The following ELAPOR1 variants were observed in gnomAD, a reference collection of about 807,000 sequenced individuals.
The protein encoded by ELAPOR1 is endosome/lysosome-associated apoptosis and autophagy regulator 1.
Under a neutral mutation model 119.7 loss-of-function variants are expected in ELAPOR1, and 77 were observed. The ratio of observed to expected loss-of-function variants is 0.64; its 90% CI spans 0.54 to 0.78. The LOEUF is 0.78. Ranked by LOEUF, ELAPOR1 falls within the 30% of genes least tolerant of loss-of-function variation. The pLI is 0.00. For missense variants in ELAPOR1, 1,115 were observed against 1,270.4 expected (o/e 0.88, Z 1.86); for synonymous variants, 481 against 487.2 (o/e 0.99, Z 0.17).
chr1:109,194,474 G>C lies in ELAPOR1; in HGVS notation c.2001G>C (p.Arg667Ser). ...DCTFSRNTPTRTFNYNFSALA... is the reference protein window; with the variant it reads ...DCTFSRNTPTSTFNYNFSALA... ...CCTTCTCACGCAACACTCCGACCAG[G>C]ACTTTCAACTACAACTTCTCCGCTT... Residue 667 changes from arginine to serine, a missense_variant, in exon 15 of 22, where the codon AGG becomes AGC. Arg to Ser is a moderately radical substitution (Grantham distance 110). Coordinates refer to ENST00000369939, the MANE Select transcript of ELAPOR1 (RefSeq NM_020775.5). The C allele has an allele frequency of 6.2e-7, 1 of 1,613,738 alleles. No homozygotes were observed. The highest frequency in any genetic ancestry group is 1.3e-5 in the African/African-American group (1 of 75,036).
At chr1:109,148,016 T>C (rs1650289165) in intron 1 of ELAPOR1, among the ~76,000 whole-genome samples, 1 of 150,568 alleles carries the variant, frequency 6.6e-6, no homozygotes, top group South Asian at 2.1e-4. Flanking sequence ...TTTTTGTATT[T>C]TTAGTAGAGA....
At chr1:109,166,064 C>T (rs1175000317) in intron 3 of ELAPOR1, among the ~76,000 whole-genome samples, 1 of 151,922 alleles carries the variant, frequency 6.6e-6, no homozygotes, top group Non-Finnish European at 1.5e-5. Flanking sequence ...TGCAGGCACC[C>T]GCCACCACGC....
intron 1 of ELAPOR1, among the ~76,000 whole-genome samples, chr1:109,130,676 T>G (rs1649103980): frequency 6.6e-6 from 1 of 152,080 alleles, no homozygotes; most frequent in Non-Finnish European, 1.5e-5. Flanking sequence ...ATAGAGTTAT[T>G]AACCTTGTAA....
intron 7 of ELAPOR1, among the ~76,000 whole-genome samples, chr1:109,177,489 C>T (rs754915552): frequency 2.4e-4 from 24 of 99,178 alleles, no homozygotes; most frequent in African/African-American, 4.9e-4. Flanking sequence ...CCTCACTTCC[C>T]AGATGGGATG....
rs927706444 is a variant in ELAPOR1 at position 109,205,648 on chromosome 1, T to C, written c.*2636T>C. The C allele has an allele frequency of 6.6e-6, 1 of 152,200 alleles. No individual in the cohort carries two copies. Among genetic ancestry groups the C allele is most frequent in the Non-Finnish European group, 1.5e-5 (1 of 68,026 alleles). 9.4% of individuals were successfully genotyped at this position (152,200 alleles called of 1,614,324 possible). Reference sequence around the variant, plus strand: ...TGCTGTCTCACTGAATAGCTTTCTTTTGTGACAAAGGCCACAGACAGCCCT... The same window carrying C: ...TGCTGTCTCACTGAATAGCTTTCTTCTGTGACAAAGGCCACAGACAGCCCT... On this transcript the variant is annotated 3_prime_UTR_variant, in exon 22 of 22. Coordinates refer to ENST00000369939, the MANE Select transcript of ELAPOR1 (RefSeq NM_020775.5).
At chr1:109,159,748 C>T (rs545538408) in intron 1 of ELAPOR1, among the ~76,000 whole-genome samples, 1 of 152,286 alleles carries the variant, frequency 6.6e-6, no homozygotes, top group Admixed American at 6.5e-5. Flanking sequence ...GAAACAACCC[C>T]TGGTCTACTT....
intron 1 of ELAPOR1, among the ~76,000 whole-genome samples, chr1:109,139,193 A>T (rs948646053): frequency 1.3e-5 from 2 of 152,040 alleles, no homozygotes; most frequent in South Asian, 4.2e-4. Context: ...TCTACTAAAA[A>T]TACAAAAATT....
In ELAPOR1 at chr1:109,164,494, TC is replaced by T. The variant is rs1344127950; in HGVS notation, c.275-3del. On this transcript the variant is annotated splice_polypyrimidine_tract_variant and splice_region_variant and intron_variant, in intron 2 of 21. Coordinates refer to ENST00000369939, the MANE Select transcript of ELAPOR1 (RefSeq NM_020775.5). ...GCCCCACCTTGTCTCTGCCCTGTTT[TC>T]CAGCCTTCTCCTGCAACGCCGGGGA... The T allele has an allele frequency of 6.2e-7, 1 of 1,604,996 alleles. No individual in the cohort carries two copies. Among genetic ancestry groups the T allele is most frequent in the Non-Finnish European group, 8.5e-7 (1 of 1,173,704 alleles).
chr1:109,132,847 G>A (rs1649231484), intron 1 of ELAPOR1, among the ~76,000 whole-genome samples: 1 of 152,144 alleles, frequency 6.6e-6, no homozygotes, highest in South Asian at 2.1e-4. Context: ...AATTAATTGT[G>A]CCCCTATCTA....
chr1:109,119,627 C>T (rs1282053207), intron 1 of ELAPOR1, among the ~76,000 whole-genome samples: 2 of 151,996 alleles, frequency 1.3e-5, no homozygotes, highest in Non-Finnish European at 2.9e-5. Flanking sequence ...CTTCTAAACT[C>T]ATCTACGTTA....
At chr1:109,200,607 T>A (rs971910804) in intron 20 of ELAPOR1, 128 bp from the exon 21 acceptor site, 14 of 845,560 alleles carry the variant, frequency 1.7e-5, no homozygotes, top group African/African-American at 3.4e-5. Flanking sequence ...CTGACACCAT[T>A]TTACCATGCT....
At chr1:109,118,284 G>A (rs897652037) in intron 1 of ELAPOR1, among the ~76,000 whole-genome samples, 2 of 152,166 alleles carry the variant, frequency 1.3e-5, no homozygotes, top group Non-Finnish European at 2.9e-5. Context: ...GTCCACATGT[G>A]GAAAATGCAA....
At chr1:109,129,247 C>T (rs1034819984) in intron 1 of ELAPOR1, among the ~76,000 whole-genome samples, 4 of 152,154 alleles carry the variant, frequency 2.6e-5, no homozygotes, top group Non-Finnish European at 5.9e-5. Context: ...CGGTGGCTCA[C>T]ACCTGTAATC....
At chr1:109,117,088 A>G (rs535628452) in intron 1 of ELAPOR1, among the ~76,000 whole-genome samples, 5 of 152,266 alleles carry the variant, frequency 3.3e-5, no homozygotes, top group East Asian at 3.9e-4. Context: ...CCCTAATGAC[A>G]ATAATATTGT....
intron 2 of ELAPOR1, among the ~76,000 whole-genome samples, chr1:109,162,463 C>A (rs1221022094): frequency 6.6e-6 from 1 of 152,162 alleles, no homozygotes; most frequent in African/African-American, 2.4e-5. Flanking sequence ...ATGCTCCAGG[C>A]ATCACTTCAG....
chr1:109,173,317 T>C (rs1652040396), intron 5 of ELAPOR1, among the ~76,000 whole-genome samples, 157 bp from the exon 6 acceptor site: 1 of 151,842 alleles, frequency 6.6e-6, no homozygotes, highest in African/African-American at 2.4e-5. Context: ...CTGTGCTAAG[T>C]TGGGAAGAAG....
intron 1 of ELAPOR1, among the ~76,000 whole-genome samples, chr1:109,149,305 C>CT (rs796955946): frequency 5.1e-4 from 74 of 144,790 alleles, no homozygotes; most frequent in East Asian, 1.4e-3. Context: ...AGAGCAGTAG[C>CT]TTTTTTTTTT....
At chr1:109,168,989 C>G (rs1253952058) in intron 3 of ELAPOR1, among the ~76,000 whole-genome samples, 1 of 152,128 alleles carries the variant, frequency 6.6e-6, no homozygotes, top group Non-Finnish European at 1.5e-5. Flanking sequence ...CTTATGGCAT[C>G]TTTTAAATTA....
At chr1:109,198,801 G>T (rs1653988284) in intron 18 of ELAPOR1, 127 bp downstream of exon 18, 1 of 763,288 alleles carries the variant, frequency 1.3e-6, no homozygotes, top group Non-Finnish European at 2.1e-6. Flanking sequence ...GGGTGCTTAG[G>T]GGCACAGTCA....
Sources: gnomAD v4.1 joint callset for allele counts (sites outside exome capture counted in the v4.1 genomes callset) on GRCh38, gnomAD v4.1.1 for gene constraint, MANE v1.5 for transcripts, NCBI Gene and HGNC (gene_info 2026-07-23, HGNC 2026-07-21) for gene names.